Variants in FSIP1 observed in about 807,000 individuals in gnomAD.
The protein encoded by FSIP1 is fibrous sheath interacting protein 1, also known as fibrous sheath-interacting protein 1.
A neutral mutation model predicts 60.9 loss-of-function variants in FSIP1; 65 were observed. The ratio of observed to expected loss-of-function variants is 1.07; its 90% CI spans 0.87 to 1.31. The LOEUF (loss-of-function observed/expected upper bound fraction) is 1.31, where lower values mean the gene tolerates loss of function less well. Ranked by LOEUF, FSIP1 falls within the 40% of genes most tolerant of loss-of-function variation. The pLI, the probability that FSIP1 is intolerant of heterozygous loss-of-function variation, is 0.00. For missense variants in FSIP1, 675 were observed against 665.5 expected, an observed-to-expected ratio of 1.01 and a Z score of -0.16; for synonymous variants, 209 against 221.2, an observed-to-expected ratio of 0.94 and a Z score of 0.49.
chr15:39,601,019 T>C (rs1406664365), intron 11 of FSIP1, 93 bp from the exon 12 acceptor site: 1 of 952,274 alleles, frequency 1.1e-6, no homozygotes, highest in Non-Finnish European at 1.6e-6. Context: ...ATTAAATCCC[T>C]TTACACATGA....
At chr15:39,741,746 C>T (rs1896807673) in intron 6 of FSIP1, 59 bp downstream of exon 6, 1 of 825,080 alleles carries the variant, frequency 1.2e-6, no homozygotes, top group Non-Finnish European at 2.0e-6. Flanking sequence ...ATGAATATTT[C>T]TGTATACAGC....
chr15:39,598,200 T>G (rs1307543531), downstream of FSIP1: 1 of 152,118 alleles, frequency 6.6e-6, no homozygotes, highest in Non-Finnish European at 1.5e-5. Context: ...AAGAAGAAAT[T>G]TTATGAGTAG....
At chr15:39,748,230 TTTCAGAAACTAA>T (rs1202400342) in intron 5 of FSIP1, among the ~76,000 whole-genome samples, 1 of 152,200 alleles carries the variant, frequency 6.6e-6, no homozygotes, top group Admixed American at 6.5e-5. Context: ...TCCAATCAGT[TTTCAGAAACTAA>T]TAAAAGCACA....
intron 9 of FSIP1, among the ~76,000 whole-genome samples, chr15:39,723,535 G>A (rs981989296): frequency 1.3e-5 from 2 of 152,166 alleles, no homozygotes; most frequent in Non-Finnish European, 2.9e-5. Flanking sequence ...AGCCTGAAGT[G>A]AGACTTTTTT....
At chr15:39,763,969 T>C (rs1424170761) in intron 4 of FSIP1, 55 bp from the exon 5 acceptor site, 4 of 948,956 alleles carry the variant, frequency 4.2e-6, no homozygotes, top group African/African-American at 1.7e-5. Context: ...ACTATAATCA[T>C]TGATTTTTTA....
intron 9 of FSIP1, among the ~76,000 whole-genome samples, chr15:39,724,643 A>G (rs943999823): frequency 2.0e-5 from 3 of 152,220 alleles, no homozygotes; most frequent in African/African-American, 7.2e-5. Flanking sequence ...AAAGGTCACC[A>G]GGTCATTCCC....
intron 10 of FSIP1, among the ~76,000 whole-genome samples, chr15:39,696,394 C>T (rs1380548859): frequency 6.6e-6 from 1 of 152,024 alleles, no homozygotes; most frequent in Non-Finnish European, 1.5e-5. Flanking sequence ...AAAACATGTC[C>T]AAATTTACTA....
In FSIP1 at chr15:39,627,073, A is replaced by G. The variant is rs1378004402; in HGVS notation, c.1189-8828T>C. On this transcript the variant is annotated intron_variant, in intron 10 of 11. Transcript: ENST00000350221. Reference sequence around the variant, plus strand: ...CTCAACCCTGGGAACTGGAAAAGAAAACTGAGTATTTCCTTACATGCCCAA... The same window carrying G: ...CTCAACCCTGGGAACTGGAAAAGAAGACTGAGTATTTCCTTACATGCCCAA... Among the ~76,000 whole-genome samples, 6 of 152,340 alleles carry G rather than the reference A, an allele frequency of 3.9e-5. No individual in the cohort carries two copies. The East Asian group carries it at 1.2e-3, about 29-fold the overall frequency.
chr15:39,632,850 T>C (rs72725080), intron 10 of FSIP1, among the ~76,000 whole-genome samples: 27,447 of 151,948 alleles, frequency 0.18, 2,986 homozygotes, highest in East Asian at 0.32. Context: ...GCAGCCTTTA[T>C]TTCCTTTTAA....
chr15:39,606,290 A>T (rs1254302028), intron 11 of FSIP1, among the ~76,000 whole-genome samples: 1 of 152,236 alleles, frequency 6.6e-6, no homozygotes, highest in Non-Finnish European at 1.5e-5. Flanking sequence ...GTATTATTTT[A>T]AAAAGAAAAC....
intron 10 of FSIP1, among the ~76,000 whole-genome samples, chr15:39,651,885 C>A (rs1426696021): frequency 6.6e-6 from 1 of 152,162 alleles, no homozygotes; most frequent in South Asian, 2.1e-4. Flanking sequence ...TATCTATCTC[C>A]CCCAATTCAC....
intron 10 of FSIP1, among the ~76,000 whole-genome samples, chr15:39,643,484 G>A (rs772114321): frequency 3.3e-5 from 5 of 152,094 alleles, no homozygotes; most frequent in Non-Finnish European, 7.3e-5. Flanking sequence ...AAATCCTGAG[G>A]TACCTAAAAG....
intron 10 of FSIP1, among the ~76,000 whole-genome samples, chr15:39,684,990 C>T (rs895764796): frequency 1.3e-5 from 2 of 152,194 alleles, no homozygotes; most frequent in African/African-American, 4.8e-5. Flanking sequence ...TGCCTCAGTA[C>T]TGCCTCTTCT....
chr15:39,623,561 G>A (rs764175927), intron 10 of FSIP1, among the ~76,000 whole-genome samples: 1 of 152,152 alleles, frequency 6.6e-6, no homozygotes, highest in African/African-American at 2.4e-5. Context: ...GCTTAATGAC[G>A]AAGATATAAG....
intron 5 of FSIP1, among the ~76,000 whole-genome samples, chr15:39,748,786 T>C (rs1280235139): frequency 6.6e-6 from 1 of 152,018 alleles, no homozygotes; most frequent in East Asian, 1.9e-4. Context: ...TAAACCTAGT[T>C]AGCAGAAGGA....
chr15:39,713,283 A>C (rs1895596719), intron 10 of FSIP1, among the ~76,000 whole-genome samples, 161 bp downstream of exon 10: 1 of 152,170 alleles, frequency 6.6e-6, no homozygotes, highest in African/African-American at 2.4e-5. Context: ...AATAAGAGAG[A>C]TGGACGGGTG....
At chr15:39,764,627 T>C (rs1172395407) in intron 4 of FSIP1, among the ~76,000 whole-genome samples, 2 of 152,170 alleles carry the variant, frequency 1.3e-5, no homozygotes, top group African/African-American at 2.4e-5. Context: ...ACCAAGTCAA[T>C]GCCAACATCT....
intron 10 of FSIP1, among the ~76,000 whole-genome samples, chr15:39,688,215 T>C (rs1253047215): frequency 6.6e-6 from 1 of 152,196 alleles, no homozygotes; most frequent in East Asian, 1.9e-4. Context: ...ATGATCAGAA[T>C]ACAGATGCTC....
At chr15:39,777,133 C>T (rs538206558) in intron 1 of FSIP1, among the ~76,000 whole-genome samples, 1 of 152,100 alleles carries the variant, frequency 6.6e-6, no homozygotes, top group South Asian at 2.1e-4. Context: ...GGGGTTTCGC[C>T]ATGTTGGCCA....
Sources: allele counts gnomAD v4.1 joint callset (sites outside exome capture counted in the v4.1 genomes callset), GRCh38; gene constraint gnomAD v4.1.1; transcripts MANE v1.5; gene names NCBI Gene and HGNC (gene_info 2026-07-23, HGNC 2026-07-21).